RORA: variants seen among roughly 807,000 people sequenced by gnomAD.
The protein encoded by RORA is nuclear receptor ROR-alpha.
In RORA, 7 loss-of-function variants were observed where a neutral mutation model predicts 69.5. That is an observed-to-expected ratio of 0.10 (90% CI 0.06 to 0.19). RORA has a LOEUF of 0.19. Ranked by LOEUF, RORA falls within the 10% of genes least tolerant of loss-of-function variation. RORA has a pLI of 1.00. For synonymous variants in RORA, 261 were observed against 240.8 expected, an observed-to-expected ratio of 1.08 and a Z score of -0.78; for missense variants, 457 against 663.0, an observed-to-expected ratio of 0.69 and a Z score of 3.41.
chr15:60,559,798 T>C (rs1287877020), intron 2 of RORA, among the ~76,000 whole-genome samples: 4 of 152,246 alleles, frequency 2.6e-5, no homozygotes, highest in Admixed American at 6.5e-5. Context: ...TGCCTTCAAA[T>C]AGATATGTTA....
At chr15:60,586,337 T>G (rs1439185674) in intron 2 of RORA, among the ~76,000 whole-genome samples, 1 of 152,126 alleles carries the variant, frequency 6.6e-6, no homozygotes, top group Non-Finnish European at 1.5e-5. Context: ...AAATTTCAAG[T>G]GGTTCTAGGC....
intron 1 of RORA, among the ~76,000 whole-genome samples, chr15:60,887,747 CA>C (rs2073767457): frequency 6.6e-6 from 1 of 152,158 alleles, no homozygotes; most frequent in African/African-American, 2.4e-5. Flanking sequence ...AGGACTAATC[CA>C]GGCTGTGGGG....
At position 60,911,209 on chromosome 15, in the gene RORA, A is replaced by G. The variant is rs1891706551; in HGVS notation, c.167-232523T>C. On this transcript the variant is annotated intron_variant, in intron 1 of 10. Transcript: ENST00000335670. ...CTCAGCCTCCCAAAGTGCTGGGATT[A>G]CAGGCATGAGCCACTGTGCCCGGCT... Among the ~76,000 whole-genome samples the G allele has an allele frequency of 2.0e-5, 3 of 149,992 alleles. No homozygotes were observed. In the South Asian group the frequency reaches 6.3e-4, roughly 31 times the overall value.
intron 1 of RORA, among the ~76,000 whole-genome samples, chr15:61,129,867 C>T (rs1268690332): frequency 6.6e-6 from 1 of 152,180 alleles, no homozygotes; most frequent in East Asian, 1.9e-4. Flanking sequence ...CCCACTTTCC[C>T]CCACCTTTCT....
At chr15:61,043,029 A>C (rs1896858266) in intron 1 of RORA, among the ~76,000 whole-genome samples, 1 of 152,182 alleles carries the variant, frequency 6.6e-6, no homozygotes, top group African/African-American at 2.4e-5. Flanking sequence ...GCTGAGAGTG[A>C]TGGACATGGC....
At chr15:61,093,969 G>A (rs1350070306) in intron 1 of RORA, among the ~76,000 whole-genome samples, 2 of 152,132 alleles carry the variant, frequency 1.3e-5, no homozygotes, top group Middle Eastern at 3.2e-3. Context: ...TGCTTCCGTC[G>A]CCAAGTCCTT....
chr15:61,098,023 A>C (rs2084055537), intron 1 of RORA, among the ~76,000 whole-genome samples: 3 of 151,274 alleles, frequency 2.0e-5, no homozygotes, highest in Non-Finnish European at 4.4e-5. Flanking sequence ...CTATCTCTCC[A>C]TCTTTCCTTC....
chr15:61,120,840 A>T (rs1383891920), intron 1 of RORA, among the ~76,000 whole-genome samples: 2 of 151,796 alleles, frequency 1.3e-5, no homozygotes, highest in East Asian at 3.9e-4. Context: ...ATCAAGCCTT[A>T]TTTCTTTTTT....
chr15:60,502,659 T>G (rs984223242), intron 8 of RORA, 101 bp downstream of exon 8: 2 of 801,458 alleles, frequency 2.5e-6, no homozygotes, highest in East Asian at 4.9e-5. Flanking sequence ...AATTTTTGTT[T>G]CTAAATAAAG....
chr15:60,972,922 C>A (rs2140353150), intron 1 of RORA, among the ~76,000 whole-genome samples: 1 of 151,524 alleles, frequency 6.6e-6, no homozygotes, highest in South Asian at 2.1e-4. Context: ...CATACCTGGC[C>A]AGAATGCATT....
intron 1 of RORA, among the ~76,000 whole-genome samples, chr15:60,886,521 G>A (rs1368088973): frequency 6.6e-6 from 1 of 152,196 alleles, no homozygotes; most frequent in Admixed American, 6.5e-5. Context: ...ACTTGCTTAT[G>A]TTAAACTCCT....
chr15:60,819,631 G>C (rs1009824115), intron 1 of RORA, among the ~76,000 whole-genome samples: 1 of 152,092 alleles, frequency 6.6e-6, no homozygotes, highest in Non-Finnish European at 1.5e-5. Context: ...TGTTGGGTGG[G>C]AGGAATGCAG....
At chr15:60,627,128 G>A (rs550251451) in intron 2 of RORA, 417 of 917,916 alleles carry the variant, frequency 4.5e-4, no homozygotes, top group Non-Finnish European at 6.3e-4. Flanking sequence ...TCCTTCACTC[G>A]TCAGATATTC....
Position 60,493,612 on chromosome 15 carries a change from C to T in RORA, c.*3843G>A, listed in dbSNP as rs922548001. On this transcript the variant is annotated 3_prime_UTR_variant, in exon 11 of 11. Coordinates refer to ENST00000335670, the MANE Select transcript of RORA (RefSeq NM_134261.3). The stretch of plus-strand genomic sequence containing the variant: ...AAAAAGTTTTCCAAAGACAGATAGA[C>T]AAATTCCATCAAGAAAATAATACAA... 2 of 151,646 alleles carry T rather than the reference C, an allele frequency of 1.3e-5. No homozygotes were observed. Among genetic ancestry groups the T allele is most frequent in the African/African-American group, 4.8e-5 (2 of 41,338 alleles). The allele number at this position is 151,646 out of a possible 1,614,324, so 9.4% of individuals were successfully genotyped here. A position where few individuals can be genotyped will look rare whatever the true frequency, so the allele number is the denominator to read the frequency against.
In RORA at chr15:60,902,225, C is replaced by T. The variant is rs182171989; in HGVS notation, c.167-223539G>A. Among the ~76,000 whole-genome samples, 163 of 152,244 alleles carry T rather than the reference C, an allele frequency of 1.1e-3. 1 individual carries two copies. Among genetic ancestry groups the T allele is most frequent in the Non-Finnish European group, 1.8e-3 (123 of 68,020 alleles). The stretch of plus-strand genomic sequence containing the variant: ...TAGTGTCATATGGTCACCAGATAAA[C>T]TCTGCAGTGAAGGCTCTTTAGATTC... On this transcript the variant is annotated intron_variant, in intron 1 of 10. Transcript: ENST00000335670.
At chr15:61,022,550 A>C (rs1895583664) in intron 1 of RORA, among the ~76,000 whole-genome samples, 1 of 152,068 alleles carries the variant, frequency 6.6e-6, no homozygotes. Flanking sequence ...ACAGACACAC[A>C]TTCTGTTGAT....
At chr15:61,157,784 T>C (rs774095619) in intron 1 of RORA, among the ~76,000 whole-genome samples, 5 of 152,224 alleles carry the variant, frequency 3.3e-5, no homozygotes, top group Non-Finnish European at 7.3e-5. Context: ...TAGGCTGTTA[T>C]TAAATGACTG....
At chr15:61,206,462 A>G (rs1437218201) in intron 1 of RORA, among the ~76,000 whole-genome samples, 1 of 152,212 alleles carries the variant, frequency 6.6e-6, no homozygotes. Flanking sequence ...CAACCCCACG[A>G]CATCCCTGTT....
intron 2 of RORA, among the ~76,000 whole-genome samples, chr15:60,588,448 T>TC (rs2068399350): frequency 6.6e-6 from 1 of 150,534 alleles, no homozygotes; most frequent in African/African-American, 2.5e-5. Context: ...GCAAATCTAT[T>TC]CATCCATCCA....
Sources: allele counts gnomAD v4.1 joint callset (sites outside exome capture counted in the v4.1 genomes callset), GRCh38; gene constraint gnomAD v4.1.1; transcripts MANE v1.5; gene names NCBI Gene and HGNC (gene_info 2026-07-23, HGNC 2026-07-21).